Variants in LPAR1 observed in about 807,000 individuals in gnomAD.
The protein encoded by LPAR1 is LPA receptor 1.
LPAR1 carries 5 observed loss-of-function variants against 23.8 expected under a neutral mutation model. The ratio of observed to expected loss-of-function variants is 0.21; its 90% CI spans 0.11 to 0.44. LPAR1 has a LOEUF of 0.44. LPAR1 is among the 20% of genes least tolerant of loss of function. LPAR1 has a pLI of 0.99. For synonymous variants in LPAR1, 160 were observed against 164.7 expected (o/e 0.97, Z 0.22); for missense variants, 311 against 482.8 (o/e 0.64, Z 3.33).
intron 5 of LPAR1, among the ~76,000 whole-genome samples, chr9:110,915,073 C>T (rs1416572706): frequency 2.6e-5 from 4 of 152,036 alleles, no homozygotes; most frequent in South Asian, 2.1e-4. Context: ...CAGACATTGT[C>T]CTTAAGGATA....
intron 2 of LPAR1, among the ~76,000 whole-genome samples, chr9:111,032,804 C>A (rs1014346454): frequency 2.0e-5 from 3 of 152,142 alleles, no homozygotes; most frequent in Non-Finnish European, 4.4e-5. Flanking sequence ...CATAGCAAAT[C>A]CTAAACTCTA....
At chr9:110,879,144 C>T (rs575475505) in intron 5 of LPAR1, among the ~76,000 whole-genome samples, 13 of 152,056 alleles carry the variant, frequency 8.5e-5, no homozygotes, top group South Asian at 8.3e-4. Flanking sequence ...GGGCCCGGTG[C>T]GGGAGCTCAC....
In LPAR1 at chr9:111,038,268, C is replaced by T. The variant is rs1445298137; in HGVS notation, c.-363G>A. ...CCCCCGCCCCACCGCCAGCCGAGCCCGGCCCTCCGCCCGCCCCTCGGCAGT... is the reference window on the plus strand; with the variant it reads ...CCCCCGCCCCACCGCCAGCCGAGCCTGGCCCTCCGCCCGCCCCTCGGCAGT... On this transcript the variant is annotated 5_prime_UTR_variant, in exon 1 of 6. Transcript: ENST00000683809. This position sits in a 1 kb window ranked among gnomAD's most constrained non-coding sequence, Gnocchi z 4.4. 1 of 148,334 alleles carries T rather than the reference C, an allele frequency of 6.7e-6. No homozygotes were observed. Among genetic ancestry groups the T allele is most frequent in the Admixed American group, 6.7e-5 (1 of 14,918 alleles). 9.2% of individuals were successfully genotyped at this position (148,334 alleles called of 1,614,324 possible).
intron 4 of LPAR1, among the ~76,000 whole-genome samples, chr9:110,963,832 A>C (rs990261900): frequency 2.6e-5 from 4 of 152,206 alleles, no homozygotes; most frequent in African/African-American, 9.6e-5. Context: ...TAGAGATTTT[A>C]AAAAATAAAG....
At chr9:111,029,123 C>T (rs2097754713) in intron 2 of LPAR1, among the ~76,000 whole-genome samples, 1 of 152,188 alleles carries the variant, frequency 6.6e-6, no homozygotes, top group African/African-American at 2.4e-5. Flanking sequence ...AAGCCTTGTC[C>T]TTGTTAAAAT....
intron 5 of LPAR1, among the ~76,000 whole-genome samples, chr9:110,913,344 G>T (rs1346719207): frequency 6.6e-6 from 1 of 152,144 alleles, no homozygotes; most frequent in Non-Finnish European, 1.5e-5. Context: ...GTTTCCAACA[G>T]GTAGTATTTA....
intron 4 of LPAR1, among the ~76,000 whole-genome samples, chr9:110,961,031 T>C (rs1327310276): frequency 6.6e-6 from 1 of 151,056 alleles, no homozygotes; most frequent in Non-Finnish European, 1.5e-5. Context: ...TGTATCTATT[T>C]TAGTTTTTAT....
intron 2 of LPAR1, among the ~76,000 whole-genome samples, chr9:110,991,573 GTTT>G (rs1564275039): frequency 1.4e-4 from 21 of 145,490 alleles, no homozygotes; most frequent in African/African-American, 4.9e-4. Flanking sequence ...AATCTTTCTG[GTTT>G]GTTTTGTTGT....
rs1192679319 is a variant in LPAR1, at chr9:110,892,822, AAGGAAGGCAGGCAGGCAGGC to A, written c.794-17120_794-17101del. Among the ~76,000 whole-genome samples the A allele has an allele frequency of 5.2e-3, 444 of 86,148 alleles. 2 individuals are homozygous for A. Among genetic ancestry groups the A allele is most frequent in the African/African-American group, 0.024 (409 of 16,894 alleles). The allele number at this position is 86,148 out of a possible 152,430, so 56.5% of individuals were successfully genotyped here. A position where few individuals can be genotyped will look rare whatever the true frequency, so the allele number is the denominator to read the frequency against. On this transcript the variant is annotated intron_variant, in intron 5 of 5. Transcript: ENST00000683809. ...GAAGGAAGGAAGGAAGGAAGGAAGG[AAGGAAGGCAGGCAGGCAGGC>A]AGGCAGGCAGGCAGGCAGGCAGGCA...
In LPAR1 at chr9:110,895,326, G is replaced by A. The variant is rs546022460; in HGVS notation, c.794-19604C>T. ...ATAGCCAGAACAGCTGCTACAGCCA[G>A]GCATAGCCAGCAAAGGTTCTGGGTG... On this transcript the variant is annotated intron_variant, in intron 5 of 5. Transcript: ENST00000683809. 3.9e-5 allele frequency among the ~76,000 whole-genome samples: 6 copies of A among 152,312 alleles called. No individual in the cohort carries two copies. The South Asian group carries it at 8.3e-4, about 21-fold the overall frequency.
intron 2 of LPAR1, among the ~76,000 whole-genome samples, chr9:111,023,008 G>A (rs867427150): frequency 1.5e-5 from 2 of 131,010 alleles, no homozygotes; most frequent in African/African-American, 3.1e-5. Context: ...CCAAGATCGC[G>A]CCACTGCACT....
At chr9:110,973,730 G>A (rs1305787165) in intron 2 of LPAR1, among the ~76,000 whole-genome samples, 172 bp from the exon 3 acceptor site, 1 of 152,146 alleles carries the variant, frequency 6.6e-6, no homozygotes, top group Admixed American at 6.5e-5. Flanking sequence ...AAAGGCTGAT[G>A]TGACTCTTTC....
At chr9:110,903,283 G>GA (rs1408458310) in intron 5 of LPAR1, 1 of 151,958 alleles carries the variant, frequency 6.6e-6, no homozygotes, top group Admixed American at 6.6e-5. Context: ...AGAAACAAAT[G>GA]AAAAAATAGA....
intron 2 of LPAR1, among the ~76,000 whole-genome samples, chr9:111,022,656 AATTAT>A (rs1227329443): frequency 2.6e-5 from 4 of 152,182 alleles, no homozygotes; most frequent in Non-Finnish European, 2.9e-5. Context: ...CTAAATTGGT[AATTAT>A]ATTATATAAA....
At chr9:111,004,322 T>C (rs940342860) in intron 2 of LPAR1, among the ~76,000 whole-genome samples, 1 of 152,198 alleles carries the variant, frequency 6.6e-6, no homozygotes, top group African/African-American at 2.4e-5. Context: ...AATATAAACA[T>C]GCTAGGTTTC....
At chr9:110,887,912 A>G (rs10117291) in intron 5 of LPAR1, among the ~76,000 whole-genome samples, 31,530 of 152,142 alleles carry the variant, frequency 0.21, 5,371 homozygotes, top group African/African-American at 0.47. Context: ...ATGTGCAAAG[A>G]TTTGCAGTAT....
Position 110,942,203 on chromosome 9 carries a change from A to C in LPAR1, c.46-35T>G, listed in dbSNP as rs779066122. ...AAAGGAGAAAAGATGATGAAAAAGA[A>C]GGCACAGGTCCAAATTTAAAGCTTA... On this transcript the variant is annotated intron_variant, in intron 4 of 5. Coordinates refer to ENST00000683809, the MANE Select transcript of LPAR1 (RefSeq NM_001351411.2). 29 of 1,563,776 alleles carry C rather than the reference A, an allele frequency of 1.9e-5. No homozygotes were observed. In the East Asian group the frequency reaches 6.3e-4, roughly 34 times the overall value.
intron 5 of LPAR1, among the ~76,000 whole-genome samples, chr9:110,911,285 G>A (rs1478052088): frequency 6.6e-6 from 1 of 152,116 alleles, no homozygotes; most frequent in African/African-American, 2.4e-5. Context: ...GGTGGTGCAC[G>A]CCTATAATCC....
At chr9:110,947,364 C>T (rs2095419305) in intron 4 of LPAR1, among the ~76,000 whole-genome samples, 1 of 152,118 alleles carries the variant, frequency 6.6e-6, no homozygotes, top group Admixed American at 6.6e-5. Context: ...TTCAGTTGTC[C>T]TCAAAACTGA....
Sources: allele counts gnomAD v4.1 joint callset (sites outside exome capture counted in the v4.1 genomes callset), GRCh38; gene constraint gnomAD v4.1.1; non-coding constraint Gnocchi (gnomAD v3.1); transcripts MANE v1.5; gene names NCBI Gene and HGNC (gene_info 2026-07-23, HGNC 2026-07-21).